The following UGT8 variants were observed in gnomAD, a reference collection of about 807,000 sequenced individuals.
UGT8 encodes UDP glycosyltransferase 8, also known as 2-hydroxyacylsphingosine 1-beta-galactosyltransferase.
Under a neutral mutation model 40.5 loss-of-function variants are expected in UGT8, and 12 were observed. The observed-to-expected ratio is 0.30, with a 90% CI of 0.19 to 0.48. The LOEUF (loss-of-function observed/expected upper bound fraction) is 0.48. UGT8 is among the 20% of genes least tolerant of loss of function. The pLI is 0.99. For missense variants in UGT8, 513 were observed against 648.7 expected (o/e 0.79, Z 2.27); for synonymous variants, 224 against 240.4 (o/e 0.93, Z 0.63).
chr4:114,635,968 C>T (rs938658104), intron 2 of UGT8, among the ~76,000 whole-genome samples: 3 of 152,032 alleles, frequency 2.0e-5, no homozygotes, highest in Admixed American at 6.5e-5. Flanking sequence ...TACAAAAAAG[C>T]TCATTTTTCA....
chr4:114,655,956 G>A (rs1734161892), intron 2 of UGT8, among the ~76,000 whole-genome samples: 1 of 152,070 alleles, frequency 6.6e-6, no homozygotes, highest in Admixed American at 6.6e-5. Context: ...TCGGCCTGTT[G>A]TATAGAATGT....
intron 1 of UGT8, among the ~76,000 whole-genome samples, chr4:114,616,218 C>A (rs1040986242): frequency 6.6e-6 from 1 of 152,188 alleles, no homozygotes; most frequent in African/African-American, 2.4e-5. Flanking sequence ...CAGAGGCAGG[C>A]AGGCCTCCTT....
At chr4:114,613,749 C>T (rs569660798) in intron 1 of UGT8, among the ~76,000 whole-genome samples, 37 of 152,232 alleles carry the variant, frequency 2.4e-4, no homozygotes, top group African/African-American at 8.4e-4. Flanking sequence ...CAGCTGCTTA[C>T]TAAATATGCA....
rs777088146 is a variant in UGT8 at position 114,676,162 on chromosome 4, C to T, written c.1500C>T (p.Tyr500=). The change falls in exon 6 of 6, where the codon TAC becomes TAT. Residue 500 remains tyrosine (Y), a synonymous_variant. Coordinates refer to ENST00000310836, the MANE Select transcript of UGT8 (RefSeq NM_001128174.3). Reference sequence around the variant, plus strand: ...TGTCTTGGGTGACAAAATTTATCTACAGAAAAATCAAAAGTCTGTGGTCTA... The same window carrying T: ...TGTCTTGGGTGACAAAATTTATCTATAGAAAAATCAAAAGTCTGTGGTCTA... ...FLLSWVTKFI[Y]RKIKSLWSRN... The T allele has an allele frequency of 1.9e-6, 3 of 1,614,070 alleles. No homozygotes were observed. In the South Asian group the frequency reaches 3.3e-5, roughly 18 times the overall value.
Position 114,623,271 on chromosome 4 carries a change from A to G in UGT8, c.391A>G (p.Lys131Glu). 1 of 1,614,198 alleles carries G rather than the reference A, an allele frequency of 6.2e-7. No homozygotes were observed. Among genetic ancestry groups the G allele is most frequent in the Non-Finnish European group, 8.5e-7 (1 of 1,180,042 alleles). Residue 131 changes from lysine (K) to glutamate (E), a missense_variant, in exon 2 of 6, where the codon AAA becomes GAA. Physicochemically the swap from Lys to Glu is moderately conservative, Grantham distance 56. Coordinates refer to ENST00000310836, the MANE Select transcript of UGT8 (RefSeq NM_001128174.3). ...HALIQGLKKE[K>E]FDLLLVDPND... ...CCTGATCCAGGGTCTGAAGAAAGAA[A>G]AATTTGACCTGCTGCTGGTGGACCC...
In UGT8 at chr4:114,676,232, C is replaced by A; in HGVS notation, c.1570C>A (p.Leu524Ile). The A allele has an allele frequency of 6.2e-7, 1 of 1,612,198 alleles. No homozygotes were observed. The highest frequency in any genetic ancestry group is 8.5e-7 in the Non-Finnish European group (1 of 1,179,244). The change falls in exon 6 of 6, where the codon CTC (leucine) becomes ATC (isoleucine). Residue 524 changes from leucine (L) to isoleucine (I), a missense_variant. Coordinates refer to ENST00000310836, the MANE Select transcript of UGT8 (RefSeq NM_001128174.3). ...TAATGGACATTACCACAATGGAATC[C>A]TCAATGGCAAGTACAAAAGAAATGG... Reference protein sequence around the residue: ...TVNGHYHNGILNGKYKRNGHI... With the variant: ...TVNGHYHNGIINGKYKRNGHI...
intron 2 of UGT8, among the ~76,000 whole-genome samples, chr4:114,634,322 G>A (rs1560685336): frequency 6.6e-6 from 1 of 152,172 alleles, no homozygotes; most frequent in Non-Finnish European, 1.5e-5. Context: ...GAACATGTGA[G>A]CATGGAGTTG....
chr4:114,675,837 A>T (rs1735603800), intron 5 of UGT8, 88 bp from the exon 6 acceptor site: 4 of 1,452,754 alleles, frequency 2.8e-6, no homozygotes, highest in South Asian at 2.9e-5. Context: ...AGTTGTTTTA[A>T]TTATTTCCCC....
intron 2 of UGT8, among the ~76,000 whole-genome samples, chr4:114,633,593 T>C (rs942658904): frequency 1.3e-5 from 2 of 152,170 alleles, no homozygotes; most frequent in Non-Finnish European, 1.5e-5. Context: ...TGTCCAAGGT[T>C]TGGATTTCCT....
At chr4:114,620,663 T>TAATTTC (rs1731728704) in intron 1 of UGT8, among the ~76,000 whole-genome samples, 1 of 152,196 alleles carries the variant, frequency 6.6e-6, no homozygotes, top group Non-Finnish European at 1.5e-5. Flanking sequence ...CTTAATGGTA[T>TAATTTC]AATTTCAACT....
intron 2 of UGT8, among the ~76,000 whole-genome samples, chr4:114,627,065 C>A (rs929979238): frequency 1.3e-5 from 2 of 152,112 alleles, no homozygotes; most frequent in African/African-American, 2.4e-5. Flanking sequence ...TCATCTACTA[C>A]CTGGCTGCCT....
intron 2 of UGT8, among the ~76,000 whole-genome samples, chr4:114,627,255 C>CTTTTT (rs199675716): frequency 7.9e-6 from 1 of 126,804 alleles, no homozygotes; most frequent in African/African-American, 3.0e-5. Flanking sequence ...TGAATAGATT[C>CTTTTT]TTTTTTTTTT....
At chr4:114,659,716 A>G (rs1401932175) in intron 2 of UGT8, among the ~76,000 whole-genome samples, 1 of 152,256 alleles carries the variant, frequency 6.6e-6, no homozygotes, top group Non-Finnish European at 1.5e-5. Flanking sequence ...TTACTTAAGA[A>G]GTAGTAGTAC....
intron 2 of UGT8, among the ~76,000 whole-genome samples, chr4:114,649,705 G>A (rs1193168659): frequency 6.6e-6 from 1 of 152,122 alleles, no homozygotes; most frequent in Admixed American, 6.5e-5. Context: ...AGAAAATGTA[G>A]TCTTTAGCTG....
chr4:114,670,528 G>C (rs1177038401), intron 5 of UGT8, among the ~76,000 whole-genome samples: 1 of 150,862 alleles, frequency 6.6e-6, no homozygotes, highest in Non-Finnish European at 1.5e-5. Context: ...AATCTATAAG[G>C]TAATCTATCA....
intron 3 of UGT8, among the ~76,000 whole-genome samples, chr4:114,664,885 T>G (rs1376263041): frequency 2.0e-5 from 3 of 152,200 alleles, no homozygotes; most frequent in Admixed American, 6.5e-5. Flanking sequence ...GCAAGTAGGC[T>G]TTGAGTAATA....
chr4:114,668,918 C>T (rs1224501704), intron 5 of UGT8, among the ~76,000 whole-genome samples: 3 of 152,188 alleles, frequency 2.0e-5, no homozygotes, highest in Non-Finnish European at 4.4e-5. Context: ...CAATGAGTCT[C>T]AAAGGGTGAA....
intron 5 of UGT8, among the ~76,000 whole-genome samples, chr4:114,669,856 A>G (rs567329438): frequency 6.2e-4 from 95 of 152,350 alleles, no homozygotes; most frequent in Non-Finnish European, 1.2e-3. Context: ...GTCTTAGTCA[A>G]TGTAAAAATG....
At chr4:114,644,879 A>T (rs1327203543) in intron 2 of UGT8, among the ~76,000 whole-genome samples, 2 of 152,156 alleles carry the variant, frequency 1.3e-5, no homozygotes, top group African/African-American at 4.8e-5. Flanking sequence ...TATCATTCTT[A>T]GGCACTACTT....
Sources: allele counts gnomAD v4.1 joint callset (sites outside exome capture counted in the v4.1 genomes callset), GRCh38; gene constraint gnomAD v4.1.1; transcripts MANE v1.5; gene names NCBI Gene and HGNC (gene_info 2026-07-23, HGNC 2026-07-21).